HMGXB3: variants seen among roughly 807,000 people sequenced by gnomAD.
HMGXB3 encodes the protein HMG domain-containing protein 3.
A neutral mutation model predicts 121.5 loss-of-function variants in HMGXB3; 45 were observed. The observed-to-expected ratio is 0.37, with a 90% CI of 0.29 to 0.47. HMGXB3 has a LOEUF of 0.47. Ranked by LOEUF, HMGXB3 falls within the 20% of genes least tolerant of loss-of-function variation. The pLI, the probability that HMGXB3 is intolerant of heterozygous loss-of-function variation, is 0.99. For missense variants in HMGXB3, 1,376 were observed against 1,602.2 expected (o/e 0.86, Z 2.41); for synonymous variants, 590 against 624.1 (o/e 0.95, Z 0.81).
intron 5 of HMGXB3, chr5:150,014,659 A>C (rs1410483811): frequency 5.5e-6 from 1 of 181,002 alleles, no homozygotes; most frequent in African/African-American, 2.4e-5. Flanking sequence ...CTGATGAGGC[A>C]TCAATCTCAA....
At position 150,052,027 on chromosome 5, in the gene HMGXB3, C is replaced by A; in HGVS notation, c.3714C>A (p.Leu1238=). 6.4e-7 allele frequency: 1 copy of A among 1,551,976 alleles called. No homozygotes were observed. Among genetic ancestry groups the A allele is most frequent in the Non-Finnish European group, 8.7e-7 (1 of 1,147,054 alleles). The change falls in exon 20 of 20, where the codon CTC becomes CTA. Residue 1238 remains leucine (L), a synonymous_variant. Transcript: ENST00000502717. ...TCTACAACCGCCTCATGGACTTCCT[C>A]ACCAGCCGCGAAATTGTCAATCGTC... The part of the protein sequence containing the change: ...YYLYNRLMDF[L]TSREIVNRQI...
chr5:150,010,033 A>C, intron 3 of HMGXB3, 78 bp from the exon 4 acceptor site: 3 of 1,381,498 alleles, frequency 2.2e-6, no homozygotes, highest in South Asian at 1.5e-5. Flanking sequence ...ACACATATAT[A>C]TATATCTTTC....
chr5:150,004,922 A>T lies in HMGXB3; in HGVS notation c.70A>T (p.Thr24Ser). ...GGAAATTGAGGAAGCCTATTGTTAC[A>T]CCTCTCCTGGGCCACCCAAGAAGAA... Reference protein sequence around the residue: ...MEEIEEAYCYTSPGPPKKKKK... With the variant: ...MEEIEEAYCYSSPGPPKKKKK... The change falls in exon 2 of 20, where the codon ACC (threonine) becomes TCC (serine). Residue 24 changes from threonine (T) to serine (S), a missense_variant. Transcript: ENST00000502717. The T allele has an allele frequency of 6.4e-7, 1 of 1,551,812 alleles. No homozygotes were observed. Among genetic ancestry groups the T allele is most frequent in the East Asian group, 2.4e-5 (1 of 40,918 alleles).
intron 3 of HMGXB3, among the ~76,000 whole-genome samples, chr5:150,008,968 C>A (rs1442813577): frequency 6.6e-6 from 1 of 152,124 alleles, no homozygotes; most frequent in Non-Finnish European, 1.5e-5. Flanking sequence ...TCATCGACTT[C>A]TTGCTTTTGA....
intron 9 of HMGXB3, among the ~76,000 whole-genome samples, chr5:150,027,782 A>G (rs765447770): frequency 1.3e-5 from 2 of 152,048 alleles, no homozygotes; most frequent in African/African-American, 2.4e-5. Flanking sequence ...TGAACTCCTG[A>G]CCTCAAGTGA....
intron 6 of HMGXB3, chr5:150,021,772 T>C: frequency 3.9e-6 from 2 of 506,952 alleles, no homozygotes; most frequent in South Asian, 2.8e-5. Flanking sequence ...AACTGATCCT[T>C]TCACTGAGAT....
chr5:150,040,933 T>TCTC, intron 14 of HMGXB3, 54 bp downstream of exon 14: 1 of 1,445,968 alleles, frequency 6.9e-7, no homozygotes, highest in East Asian at 2.7e-5. Flanking sequence ...CCCTCGGAAT[T>TCTC]TTCAGTGATG....
intron 14 of HMGXB3, among the ~76,000 whole-genome samples, 188 bp downstream of exon 14, chr5:150,041,067 G>T (rs1756621688): frequency 6.6e-6 from 1 of 152,190 alleles, no homozygotes; most frequent in Non-Finnish European, 1.5e-5. Flanking sequence ...TGGAAAGCAT[G>T]AATCTTTTTG....
rs540018367 is a variant in HMGXB3 at position 150,006,879 on chromosome 5, G to A, written c.312+232G>A. Among the ~76,000 whole-genome samples, 6 of 152,290 alleles carry A rather than the reference G, an allele frequency of 3.9e-5. No homozygotes were observed. The East Asian group carries it at 9.6e-4, about 24-fold the overall frequency. On this transcript the variant is annotated intron_variant, in intron 3 of 19. Coordinates refer to ENST00000502717, the MANE Select transcript of HMGXB3 (RefSeq NM_014983.3). Reference sequence around the variant, plus strand: ...CATTTTTTTGTGTTTTCTGCAGTGAGCCTTAGGTTCCTTTTCTAAATTTTA... The same window carrying A: ...CATTTTTTTGTGTTTTCTGCAGTGAACCTTAGGTTCCTTTTCTAAATTTTA...
chr5:150,013,415 G>A (rs1755888552), intron 5 of HMGXB3, among the ~76,000 whole-genome samples: 1 of 152,128 alleles, frequency 6.6e-6, no homozygotes, highest in Non-Finnish European at 1.5e-5. Context: ...TTGTATTCCT[G>A]GGACAAACCC....
chr5:150,035,645 G>A (rs1040529048), intron 11 of HMGXB3, among the ~76,000 whole-genome samples: 5 of 152,092 alleles, frequency 3.3e-5, no homozygotes, highest in African/African-American at 4.8e-5. Context: ...GAGGGTGGTG[G>A]TTTAGCAGCT....
At chr5:150,021,503 A>G (rs1187595675) in intron 6 of HMGXB3, 6 of 315,462 alleles carry the variant, frequency 1.9e-5, no homozygotes, top group Admixed American at 3.5e-5. Flanking sequence ...TTCATAAACT[A>G]TCTTAAAACA....
intron 4 of HMGXB3, among the ~76,000 whole-genome samples, 179 bp from the exon 5 acceptor site, chr5:150,012,076 A>C (rs1374269505): frequency 6.6e-6 from 1 of 152,232 alleles, no homozygotes; most frequent in African/African-American, 2.4e-5. Flanking sequence ...CTGTGGAAAT[A>C]GTTTTCTCTT....
At chr5:150,051,641 C>G in intron 19 of HMGXB3, 84 bp from the exon 20 acceptor site, 1 of 1,111,708 alleles carries the variant, frequency 9.0e-7, no homozygotes, top group Non-Finnish European at 1.3e-6. Flanking sequence ...AGAGGGCTGG[C>G]TGAGCCTAGA....
At chr5:150,005,619 A>G (rs915958809) in intron 2 of HMGXB3, among the ~76,000 whole-genome samples, 2 of 151,846 alleles carry the variant, frequency 1.3e-5, no homozygotes, top group African/African-American at 4.8e-5. Flanking sequence ...AAAAAAGAAA[A>G]GAAAAAGAAA....
Position 150,045,356 on chromosome 5 carries a change from T to C in HMGXB3, c.2731-110T>C, listed in dbSNP as rs1756732682. 7 of 890,858 alleles carry C rather than the reference T, an allele frequency of 7.9e-6. No homozygotes were observed. In the South Asian group the frequency reaches 1.1e-4, roughly 14 times the overall value. 55.2% of individuals were successfully genotyped at this position (890,858 alleles called of 1,614,324 possible). A position where few individuals can be genotyped will look rare whatever the true frequency, so the allele number is the denominator to read the frequency against. Reference sequence around the variant, plus strand: ...TGTGGCAGTGCCTGGCTGTCTGACTTCCCTTCACCAAGCCTTGGCTTCCCT... The same window carrying C: ...TGTGGCAGTGCCTGGCTGTCTGACTCCCCTTCACCAAGCCTTGGCTTCCCT... On this transcript the variant is annotated intron_variant, in intron 15 of 19. Coordinates refer to ENST00000502717, the MANE Select transcript of HMGXB3 (RefSeq NM_014983.3).
rs1455191723 is a variant in HMGXB3 at position 150,004,079 on chromosome 5, A to G, written c.-2-772A>G. 3.9e-5 allele frequency among the ~76,000 whole-genome samples: 6 copies of G among 151,964 alleles called. No individual in the cohort carries two copies. In the South Asian group the frequency reaches 1.0e-3, roughly 27 times the overall value. ...GAGATGGGGTCTCACTATGTTGACC[A>G]AGCTGGCTGGCCTCAAACTCCTGGC... On this transcript the variant is annotated intron_variant, in intron 1 of 19. Coordinates refer to ENST00000502717, the MANE Select transcript of HMGXB3 (RefSeq NM_014983.3).
At chr5:150,017,000 A>G (rs916608649) in intron 5 of HMGXB3, among the ~76,000 whole-genome samples, 2 of 152,224 alleles carry the variant, frequency 1.3e-5, no homozygotes, top group African/African-American at 2.4e-5. Context: ...ATATTTTAAA[A>G]TAGGAACAGC....
chr5:150,015,393 A>C (rs1022919509), intron 5 of HMGXB3, among the ~76,000 whole-genome samples: 8 of 152,038 alleles, frequency 5.3e-5, no homozygotes, highest in African/African-American at 1.5e-4. Flanking sequence ...GGATCCACCT[A>C]CCTGCCCCAG....
Sources: allele counts gnomAD v4.1 joint callset (sites outside exome capture counted in the v4.1 genomes callset), GRCh38; gene constraint gnomAD v4.1.1; transcripts MANE v1.5; gene names NCBI Gene and HGNC (gene_info 2026-07-23, HGNC 2026-07-21).